Variants in CABCOCO1 observed in about 807,000 individuals in gnomAD.
The protein encoded by CABCOCO1 is ciliary-associated calcium-binding coiled-coil protein 1.
Under a neutral mutation model 35.7 loss-of-function variants are expected in CABCOCO1, and 28 were observed. That is an observed-to-expected ratio of 0.78 (90% CI 0.58 to 1.07). The LOEUF (loss-of-function observed/expected upper bound fraction) is 1.07, where lower values mean the gene tolerates loss of function less well. Among genes scored for constraint, CABCOCO1 ranks in the 50% least tolerant of loss-of-function variants. CABCOCO1 has a pLI of 0.00. For missense variants in CABCOCO1, 326 were observed against 309.2 expected (o/e 1.05, Z -0.41); for synonymous variants, 95 against 100.1 (o/e 0.95, Z 0.30).
At chr10:61,715,017 G>C (rs989010981) in intron 5 of CABCOCO1, among the ~76,000 whole-genome samples, 2 of 152,204 alleles carry the variant, frequency 1.3e-5, no homozygotes, top group African/African-American at 4.8e-5. Context: ...TTCTGCAGAT[G>C]TTTATTAGGT....
chr10:61,745,801 T>A (rs1841643016), intron 5 of CABCOCO1, among the ~76,000 whole-genome samples: 1 of 152,248 alleles, frequency 6.6e-6, no homozygotes, highest in Non-Finnish European at 1.5e-5. Flanking sequence ...TTCTCAAATG[T>A]ATTTCAACTC....
intron 5 of CABCOCO1, among the ~76,000 whole-genome samples, chr10:61,756,871 G>A (rs1319222934): frequency 3.3e-5 from 5 of 151,584 alleles, no homozygotes; most frequent in African/African-American, 1.2e-4. Flanking sequence ...CCAGATTTAA[G>A]AGGTAACATA....
chr10:61,761,033 C>A (rs763145369), intron 7 of CABCOCO1, 30 bp downstream of exon 7: 5 of 1,605,340 alleles, frequency 3.1e-6, no homozygotes, highest in African/African-American at 1.3e-5. Flanking sequence ...TGCTCACTTA[C>A]TTTATTACTG....
intron 5 of CABCOCO1, among the ~76,000 whole-genome samples, chr10:61,754,780 T>G (rs1421801226): frequency 6.6e-6 from 1 of 152,110 alleles, no homozygotes; most frequent in African/African-American, 2.4e-5. Context: ...TTGTACTGTG[T>G]TACCGTTCAC....
chr10:61,680,671 CATATATGTTATACATGTATAACAT>C (rs375153027), intron 2 of CABCOCO1, among the ~76,000 whole-genome samples: 8,614 of 53,404 alleles, frequency 0.16, 1,011 homozygotes, highest in East Asian at 0.2. Flanking sequence ...ACATGTATAA[CATATATGTTATACATGTATAACAT>C]ATATATGTTA....
intron 7 of CABCOCO1, among the ~76,000 whole-genome samples, chr10:61,763,307 A>T (rs975573830): frequency 6.6e-6 from 1 of 152,060 alleles, no homozygotes; most frequent in Non-Finnish European, 1.5e-5. Context: ...TGTAGTATGA[A>T]TCCATAAGTT....
intron 2 of CABCOCO1, among the ~76,000 whole-genome samples, chr10:61,678,786 G>A (rs1342640574): frequency 6.6e-6 from 1 of 151,986 alleles, no homozygotes; most frequent in Non-Finnish European, 1.5e-5. Context: ...TTAGGAGCAG[G>A]CCCATCATAG....
At chr10:61,670,703 G>A (rs573746123) in intron 1 of CABCOCO1, among the ~76,000 whole-genome samples, 2 of 151,984 alleles carry the variant, frequency 1.3e-5, no homozygotes, top group Non-Finnish European at 2.9e-5. Context: ...AAAAACATTT[G>A]CCCTCTTTCC....
intron 5 of CABCOCO1, among the ~76,000 whole-genome samples, chr10:61,713,808 A>T (rs1840791518): frequency 6.6e-6 from 1 of 152,194 alleles, no homozygotes; most frequent in South Asian, 2.1e-4. Context: ...GTGATGGATT[A>T]CGTTTATTGA....
At chr10:61,681,399 G>T in intron 3 of CABCOCO1, 87 bp downstream of exon 3, 1 of 997,548 alleles carries the variant, frequency 1.0e-6, no homozygotes, top group Non-Finnish European at 1.4e-6. Flanking sequence ...AGATTTTATT[G>T]TAATTCCTTT....
chr10:61,758,629 G>T (rs373764488), intron 5 of CABCOCO1, among the ~76,000 whole-genome samples: 7 of 152,028 alleles, frequency 4.6e-5, no homozygotes, highest in African/African-American at 1.4e-4. Flanking sequence ...ACGTATTACA[G>T]TTTACTGAAA....
At chr10:61,761,099 T>C (rs994592036) in intron 7 of CABCOCO1, 96 bp downstream of exon 7, 2 of 1,295,330 alleles carry the variant, frequency 1.5e-6, no homozygotes, top group African/African-American at 3.0e-5. Flanking sequence ...ACTGCCAGCA[T>C]GAGCGATGCT....
In CABCOCO1 at chr10:61,695,897, A is replaced by G. The variant is rs146103198; in HGVS notation, c.552+5276A>G. On this transcript the variant is annotated intron_variant, in intron 5 of 7. Transcript: ENST00000648843. ...ATTTTTAGATCAAAAAAATAAGTAC[A>G]TTTATTACAAACAGAAACACACTAA... Among the ~76,000 whole-genome samples, 560 of 152,182 alleles carry G rather than the reference A, an allele frequency of 3.7e-3. 3 individuals are homozygous for G. The highest frequency in any genetic ancestry group is 0.012 in the African/African-American group (510 of 41,558).
At chr10:61,746,017 A>C (rs1028231554) in intron 5 of CABCOCO1, among the ~76,000 whole-genome samples, 1 of 152,204 alleles carries the variant, frequency 6.6e-6, no homozygotes, top group Non-Finnish European at 1.5e-5. Flanking sequence ...TCATGTACTC[A>C]TAAGAACCAG....
In CABCOCO1 at chr10:61,693,620, C is replaced by T. The variant is rs187390537; in HGVS notation, c.552+2999C>T. ...GGCAATGATGATGAGTGGCTCCTGA[C>T]ATCACAAAAAGAAAACCAGACATCA... On this transcript the variant is annotated intron_variant, in intron 5 of 7. Transcript: ENST00000648843. 1.9e-4 allele frequency among the ~76,000 whole-genome samples: 29 copies of T among 152,142 alleles called. No individual in the cohort carries two copies. In the East Asian group the frequency reaches 5.4e-3, roughly 28 times the overall value.
chr10:61,749,350 CCAATGAAAA>C (rs1841732325), intron 5 of CABCOCO1, among the ~76,000 whole-genome samples: 1 of 152,178 alleles, frequency 6.6e-6, no homozygotes, highest in African/African-American at 2.4e-5. Context: ...AACTGTGATT[CCAATGAAAA>C]CAGTGGCCAA....
intron 5 of CABCOCO1, among the ~76,000 whole-genome samples, chr10:61,692,134 T>C (rs1840164451): frequency 6.6e-6 from 1 of 152,186 alleles, no homozygotes; most frequent in Admixed American, 6.6e-5. Context: ...TTCCTGTTTC[T>C]CCACATCCTC....
intron 4 of CABCOCO1, among the ~76,000 whole-genome samples, chr10:61,690,046 A>T (rs541012422): frequency 5.3e-5 from 8 of 152,098 alleles, no homozygotes; most frequent in Non-Finnish European, 1.2e-4. Flanking sequence ...ATTTTAGTTC[A>T]TGCGCCATTT....
chr10:61,709,141 A>G (rs1282532141), intron 5 of CABCOCO1, among the ~76,000 whole-genome samples: 1 of 152,188 alleles, frequency 6.6e-6, no homozygotes, highest in Non-Finnish European at 1.5e-5. Context: ...TTAACATTCA[A>G]CAGTTAATTT....
Sources: gnomAD v4.1 joint callset for allele counts (sites outside exome capture counted in the v4.1 genomes callset) on GRCh38, gnomAD v4.1.1 for gene constraint, MANE v1.5 for transcripts, NCBI Gene and HGNC (gene_info 2026-07-23, HGNC 2026-07-21) for gene names.